PPARA: variants seen among roughly 807,000 people sequenced by gnomAD.
The protein encoded by PPARA is peroxisome proliferator activated receptor alpha.
In PPARA, 22 loss-of-function variants were observed where a neutral mutation model predicts 42.2. The observed-to-expected ratio is 0.52, with a 90% CI of 0.37 to 0.74. The LOEUF is 0.74. Ranked by LOEUF, PPARA falls within the 30% of genes least tolerant of loss-of-function variation. The probability of loss-of-function intolerance (pLI) is 0.00; values close to 1 mark genes in which losing one functional copy is unlikely to be tolerated. For synonymous variants in PPARA, 242 were observed against 239.3 expected (o/e 1.01, Z -0.10); for missense variants, 465 against 608.2 (o/e 0.76, Z 2.48).
chr22:46,220,024 T>C lies in PPARA; in HGVS notation c.711+10T>C. Reference sequence around the variant, plus strand: ...GGCCAGTAACAATCCAGTAGGTGTTTGCGGCTGTTCTGGGTTCTCTTGGCA... The same window carrying C: ...GGCCAGTAACAATCCAGTAGGTGTTCGCGGCTGTTCTGGGTTCTCTTGGCA... On this transcript the variant is annotated intron_variant, in intron 7 of 8. Coordinates refer to ENST00000407236, the MANE Select transcript of PPARA (RefSeq NM_005036.6). 1 of 1,613,690 alleles carries C rather than the reference T, an allele frequency of 6.2e-7. No individual in the cohort carries two copies. Among genetic ancestry groups the C allele is most frequent in the Non-Finnish European group, 8.5e-7 (1 of 1,179,992 alleles).
In PPARA at chr22:46,183,426, A is replaced by G. The variant is rs967924373; in HGVS notation, c.-43+6590A>G. Among the ~76,000 whole-genome samples the G allele has an allele frequency of 2.6e-5, 4 of 152,218 alleles. No homozygotes were observed. The highest frequency in any genetic ancestry group is 9.6e-5 in the African/African-American group (4 of 41,466). The stretch of plus-strand genomic sequence containing the variant: ...AACACAGATAAACTGGGAAAGAAAA[A>G]TAACTTGTGAGTAATTCAGAATCTG... On this transcript the variant is annotated intron_variant, in intron 3 of 8. Transcript: ENST00000407236. The surrounding 1 kb of genome is among the most constrained non-coding windows in gnomAD (Gnocchi z 5.5).
At chr22:46,181,072 G>A (rs1176793202) in intron 3 of PPARA, among the ~76,000 whole-genome samples, 1 of 151,548 alleles carries the variant, frequency 6.6e-6, no homozygotes, top group South Asian at 2.1e-4. Flanking sequence ...CAGACCCAGA[G>A]GGGCTGGGGA....
At position 46,188,476 on chromosome 22, in the gene PPARA, G is replaced by T. The variant is rs1569209916; in HGVS notation, c.-42-9866G>T. ...TCCCTGGCCCTCCAGGATTCCCCCA[G>T]TAACAGCCCTCATCATGCTGCCTTT... On this transcript the variant is annotated intron_variant, in intron 3 of 8. Coordinates refer to ENST00000407236, the MANE Select transcript of PPARA (RefSeq NM_005036.6). The surrounding 1 kb of genome is among the most constrained non-coding windows in gnomAD (Gnocchi z 5.0). 1.3e-5 allele frequency among the ~76,000 whole-genome samples: 2 copies of T among 148,352 alleles called. No homozygotes were observed. Among genetic ancestry groups the T allele is most frequent in the East Asian group, 3.9e-4 (2 of 5,178 alleles).
At chr22:46,189,693 CTTTCTTTCTATTTTT>C (rs1931273197) in intron 3 of PPARA, among the ~76,000 whole-genome samples, 1 of 151,082 alleles carries the variant, frequency 6.6e-6, no homozygotes, top group Admixed American at 6.6e-5. Flanking sequence ...TTAATCTTTT[CTTTCTTTCTATTTTT>C]TTTCTTTTTT....
chr22:46,239,400 G>T lies in PPARA; in HGVS notation c.*4020G>T. On this transcript the variant is annotated 3_prime_UTR_variant, in exon 9 of 9. Transcript: ENST00000407236. ...TGCAAAAGGCCATGCTAGAGCTGAG[G>T]CGCACAGCCTGTGGCCTCTGTAGTT... 1 of 151,664 alleles carries T rather than the reference G, an allele frequency of 6.6e-6. No individual in the cohort carries two copies. The highest frequency in any genetic ancestry group is 1.5e-5 in the Non-Finnish European group (1 of 67,944). The allele number at this position is 151,664 out of a possible 1,614,324, so 9.4% of individuals were successfully genotyped here.
chr22:46,199,070 G>A (rs763926803), intron 4 of PPARA, among the ~76,000 whole-genome samples: 5 of 152,172 alleles, frequency 3.3e-5, no homozygotes, highest in Admixed American at 2.0e-4. Context: ...CGCGTGTCAC[G>A]GCTCACGGTG....
rs1031474979 is a variant in PPARA at position 46,163,113 on chromosome 22, C to T, written c.-127+11143C>T. On this transcript the variant is annotated intron_variant, in intron 2 of 8. Transcript: ENST00000407236. The surrounding 1 kb of genome is among the most constrained non-coding windows in gnomAD (Gnocchi z 4.9). ...GGGAAAGAGCGGGGACAGAGGGTCACGGAGGTCGCAGGGGCGTGTGTGCAG... is the reference window on the plus strand; with the variant it reads ...GGGAAAGAGCGGGGACAGAGGGTCATGGAGGTCGCAGGGGCGTGTGTGCAG... Among the ~76,000 whole-genome samples the T allele has an allele frequency of 2.0e-5, 3 of 152,082 alleles. No homozygotes were observed. The highest frequency in any genetic ancestry group is 1.9e-4 in the East Asian group (1 of 5,188).
chr22:46,198,146 G>C (rs1932520583), intron 3 of PPARA, among the ~76,000 whole-genome samples, 196 bp from the exon 4 acceptor site: 1 of 148,150 alleles, frequency 6.7e-6, no homozygotes, highest in Non-Finnish European at 1.5e-5. Context: ...ACTGAGGCAG[G>C]AGAATGGTGT....
Position 46,191,082 on chromosome 22 carries a change from A to T in PPARA, c.-42-7260A>T, listed in dbSNP as rs1460125747. The stretch of plus-strand genomic sequence containing the variant: ...GTGGTGTGTGCCTGTAGTCCCAGCT[A>T]CTCAGGAGGCTGAGGCACGAGAATC... On this transcript the variant is annotated intron_variant, in intron 3 of 8. Coordinates refer to ENST00000407236, the MANE Select transcript of PPARA (RefSeq NM_005036.6). This position sits in a 1 kb window ranked among gnomAD's most constrained non-coding sequence, Gnocchi z 4.6. Among the ~76,000 whole-genome samples, 1 of 152,022 alleles carries T rather than the reference A, an allele frequency of 6.6e-6. No individual in the cohort carries two copies. Among genetic ancestry groups the T allele is most frequent in the Non-Finnish European group, 1.5e-5 (1 of 68,010 alleles).
In PPARA at chr22:46,232,260, G is replaced by T; in HGVS notation, c.1159+21G>T. 1 of 1,611,062 alleles carries T rather than the reference G, an allele frequency of 6.2e-7. No individual in the cohort carries two copies. Among genetic ancestry groups the T allele is most frequent in the South Asian group, 1.1e-5 (1 of 91,026 alleles). ...TGGAGGTGAGTGGTTGATTTAATCT[G>T]CTGGTATCATGTCACTGACAGGCTC... On this transcript the variant is annotated intron_variant, in intron 8 of 8. Coordinates refer to ENST00000407236, the MANE Select transcript of PPARA (RefSeq NM_005036.6). This position sits in a 1 kb window ranked among gnomAD's most constrained non-coding sequence, Gnocchi z 5.3.
intron 4 of PPARA, among the ~76,000 whole-genome samples, chr22:46,201,691 T>A (rs1366574134): frequency 6.6e-6 from 1 of 152,050 alleles, no homozygotes; most frequent in Non-Finnish European, 1.5e-5. Context: ...CGTTGTTATG[T>A]TTATTTAAGG....
At chr22:46,157,403 C>T (rs1212008879) in intron 2 of PPARA, among the ~76,000 whole-genome samples, 1 of 152,130 alleles carries the variant, frequency 6.6e-6, no homozygotes, top group Non-Finnish European at 1.5e-5. Context: ...TGTCCCAGAC[C>T]TCTGCAGCTT....
intron 2 of PPARA, among the ~76,000 whole-genome samples, chr22:46,168,768 A>G (rs1927517385): frequency 6.6e-6 from 1 of 152,030 alleles, no homozygotes; most frequent in Non-Finnish European, 1.5e-5. Context: ...AGTGGCTGTA[A>G]TTAAGCAGTC....
intron 4 of PPARA, among the ~76,000 whole-genome samples, chr22:46,210,101 G>C (rs1601756446): frequency 6.6e-6 from 1 of 151,982 alleles, no homozygotes; most frequent in East Asian, 2.0e-4. Flanking sequence ...TCTGAGGTCG[G>C]GAGTTCGAGA....
Position 46,193,964 on chromosome 22 carries a change from A to AC in PPARA, c.-42-4377dup, listed in dbSNP as rs1408385612. On this transcript the variant is annotated intron_variant, in intron 3 of 8. Coordinates refer to ENST00000407236, the MANE Select transcript of PPARA (RefSeq NM_005036.6). This position sits in a 1 kb window ranked among gnomAD's most constrained non-coding sequence, Gnocchi z 5.3. ...TGGTTCACTCTTCTCGATTAGCTGG[A>AC]CAGCGGCATGTCATGTGGGTAATAG... 2.0e-5 allele frequency among the ~76,000 whole-genome samples: 3 copies of AC among 152,234 alleles called. No homozygotes were observed. The highest frequency in any genetic ancestry group is 4.4e-5 in the Non-Finnish European group (3 of 68,048).
Position 46,237,382 on chromosome 22 carries a change from G to A in PPARA, c.*2002G>A, listed in dbSNP as rs2147732423. 1 of 152,676 alleles carries A rather than the reference G, an allele frequency of 6.5e-6. No homozygotes were observed. Among genetic ancestry groups the A allele is most frequent in the Non-Finnish European group, 1.5e-5 (1 of 68,348 alleles). The allele number at this position is 152,676 out of a possible 1,614,324, so 9.5% of individuals were successfully genotyped here. ...GGAGGCCGAGGTGGGAGGATCACTTGAGCCCAGGAGTTCGAGACCAGCCTA... is the reference window on the plus strand; with the variant it reads ...GGAGGCCGAGGTGGGAGGATCACTTAAGCCCAGGAGTTCGAGACCAGCCTA... On this transcript the variant is annotated 3_prime_UTR_variant, in exon 9 of 9. Coordinates refer to ENST00000407236, the MANE Select transcript of PPARA (RefSeq NM_005036.6). The surrounding 1 kb of genome is among the most constrained non-coding windows in gnomAD (Gnocchi z 6.7).
rs377572853 is a variant in PPARA, at chr22:46,162,688, A to G, written c.-127+10718A>G. ...GGAGCCTCTTGCTGGTAGGTGCTTCAGGACTGGCTCTGGGAGCCTGTGGCT... is the reference window on the plus strand; with the variant it reads ...GGAGCCTCTTGCTGGTAGGTGCTTCGGGACTGGCTCTGGGAGCCTGTGGCT... On this transcript the variant is annotated intron_variant, in intron 2 of 8. Transcript: ENST00000407236. The surrounding 1 kb of genome is among the most constrained non-coding windows in gnomAD (Gnocchi z 6.0). Among the ~76,000 whole-genome samples, 1 of 152,166 alleles carries G rather than the reference A, an allele frequency of 6.6e-6. No individual in the cohort carries two copies. Among genetic ancestry groups the G allele is most frequent in the East Asian group, 1.9e-4 (1 of 5,188 alleles).
chr22:46,157,540 C>A (rs1395293410), intron 2 of PPARA, among the ~76,000 whole-genome samples: 2 of 152,122 alleles, frequency 1.3e-5, no homozygotes, highest in Admixed American at 1.3e-4. Context: ...CTGAAAGGGT[C>A]CCCTTCATAA....
At position 46,191,406 on chromosome 22, in the gene PPARA, C is replaced by A. The variant is rs1374602298; in HGVS notation, c.-42-6936C>A. On this transcript the variant is annotated intron_variant, in intron 3 of 8. Transcript: ENST00000407236. The surrounding 1 kb of genome is among the most constrained non-coding windows in gnomAD (Gnocchi z 4.6). ...AACCACTTCCTTTTATCACAGGACGCTTCCCAAGCTCTGCAACTGTTGCTC... is the reference window on the plus strand; with the variant it reads ...AACCACTTCCTTTTATCACAGGACGATTCCCAAGCTCTGCAACTGTTGCTC... 6.6e-6 allele frequency among the ~76,000 whole-genome samples: 1 copy of A among 151,936 alleles called. No individual in the cohort carries two copies. The highest frequency in any genetic ancestry group is 2.4e-5 in the African/African-American group (1 of 41,384).
Sources: allele counts gnomAD v4.1 joint callset (sites outside exome capture counted in the v4.1 genomes callset), GRCh38; gene constraint gnomAD v4.1.1; non-coding constraint Gnocchi (gnomAD v3.1); transcripts MANE v1.5; gene names NCBI Gene and HGNC (gene_info 2026-07-23, HGNC 2026-07-21).